The following NRCAM variants were observed in gnomAD, a reference collection of about 807,000 sequenced individuals.
NRCAM encodes the protein neuronal cell adhesion molecule.
NRCAM carries 83 observed loss-of-function variants against 156.5 expected under a neutral mutation model. The observed-to-expected ratio is 0.53, with a 90% CI of 0.44 to 0.64. The LOEUF is 0.64. Ranked by LOEUF, NRCAM falls within the 30% of genes least tolerant of loss-of-function variation. The pLI is 0.00. For synonymous variants in NRCAM, 538 were observed against 563.9 expected (o/e 0.95, Z 0.65); for missense variants, 1,417 against 1,597.3 (o/e 0.89, Z 1.92).
chr7:108,148,568 T>G lies in NRCAM; in HGVS notation c.*1342A>C, dbSNP rs555565429. 15 of 152,806 alleles carry G rather than the reference T, an allele frequency of 9.8e-5. No homozygotes were observed. The East Asian group carries it at 2.9e-3, about 29-fold the overall frequency. The allele number at this position is 152,806 out of a possible 1,614,324, so 9.5% of individuals were successfully genotyped here. A position where few individuals can be genotyped will look rare whatever the true frequency, so the allele number is the denominator to read the frequency against. On this transcript the variant is annotated 3_prime_UTR_variant, in exon 33 of 33. Coordinates refer to ENST00000379028, the MANE Select transcript of NRCAM (RefSeq NM_001037132.4). The stretch of plus-strand genomic sequence containing the variant: ...TAGAATATATATTTACTTTTTAAAC[T>G]GCAGATGTAATCCCTTGGACCGTTG...
intron 5 of NRCAM, among the ~76,000 whole-genome samples, chr7:108,236,219 G>A (rs942433772): frequency 3.9e-5 from 6 of 152,084 alleles, no homozygotes; most frequent in African/African-American, 1.4e-4. Context: ...ACCCGGTTGC[G>A]TCCTCTTCTC....
intron 2 of NRCAM, among the ~76,000 whole-genome samples, chr7:108,358,459 C>T (rs1208019957): frequency 7.9e-6 from 1 of 125,888 alleles, no homozygotes; most frequent in South Asian, 2.6e-4. Context: ...AGTATTCCTA[C>T]GTATTTTTTT....
chr7:108,173,649 A>G (rs1032103190), intron 28 of NRCAM, among the ~76,000 whole-genome samples: 3 of 152,184 alleles, frequency 2.0e-5, no homozygotes, highest in African/African-American at 7.2e-5. Flanking sequence ...TATTAAAATT[A>G]AGGTCAGAGT....
rs78520582 is a variant in NRCAM at position 108,442,320 on chromosome 7, C to A, written c.-332+13923G>T. ...TCTGTGATGGAGGATCTCTTGGTCA[C>A]AGGTGTATAACACATGCATATTCGT... On this transcript the variant is annotated intron_variant, in intron 1 of 32. Coordinates refer to ENST00000379028, the MANE Select transcript of NRCAM (RefSeq NM_001037132.4). 9.8e-3 allele frequency among the ~76,000 whole-genome samples: 1,497 copies of A among 152,224 alleles called. 20 individuals carry two copies. Among genetic ancestry groups the A allele is most frequent in the African/African-American group, 0.034 (1,404 of 41,498 alleles).
At chr7:108,271,899 G>C (rs937137684) in intron 3 of NRCAM, among the ~76,000 whole-genome samples, 1 of 152,138 alleles carries the variant, frequency 6.6e-6, no homozygotes, top group African/African-American at 2.4e-5. Context: ...GCATAAACTA[G>C]CAAGCAAAAT....
chr7:108,314,857 C>A (rs2098875399), intron 2 of NRCAM, among the ~76,000 whole-genome samples: 1 of 152,078 alleles, frequency 6.6e-6, no homozygotes. Flanking sequence ...CTTGCAAAAT[C>A]TCATTTGGCT....
At chr7:108,404,356 C>A (rs35429156) in intron 1 of NRCAM, among the ~76,000 whole-genome samples, 38,275 of 152,120 alleles carry the variant, frequency 0.25, 5,092 homozygotes, top group Non-Finnish European at 0.28. Context: ...CTTGGCAGCT[C>A]CTGCTCAAGA....
chr7:108,451,530 T>C (rs912562237), intron 1 of NRCAM, among the ~76,000 whole-genome samples: 1 of 152,160 alleles, frequency 6.6e-6, no homozygotes. Context: ...TCATTTGCAA[T>C]AGCCAAAAGA....
intron 3 of NRCAM, among the ~76,000 whole-genome samples, chr7:108,241,104 A>G (rs1283065181): frequency 6.6e-6 from 1 of 152,156 alleles, no homozygotes; most frequent in African/African-American, 2.4e-5. Context: ...CCGAACTAGA[A>G]GTTATTTCAC....
chr7:108,159,646 T>C, intron 31 of NRCAM, 105 bp from the exon 32 acceptor site: 1 of 814,768 alleles, frequency 1.2e-6, no homozygotes, highest in South Asian at 1.5e-5. Context: ...AATAATTCCA[T>C]ACACAAGTAG....
intron 17 of NRCAM, among the ~76,000 whole-genome samples, chr7:108,192,544 G>A (rs1200885554): frequency 6.6e-6 from 1 of 152,108 alleles, no homozygotes; most frequent in Admixed American, 6.5e-5. Context: ...CAAAAAGGTT[G>A]GGGACCACTG....
chr7:108,362,886 G>A (rs2154323307), intron 2 of NRCAM, among the ~76,000 whole-genome samples: 1 of 152,122 alleles, frequency 6.6e-6, no homozygotes, highest in African/African-American at 2.4e-5. Context: ...ACCAAATCTT[G>A]GTTTCTAACA....
intron 3 of NRCAM, among the ~76,000 whole-genome samples, chr7:108,311,324 G>T (rs2098799937): frequency 6.6e-6 from 1 of 152,142 alleles, no homozygotes; most frequent in South Asian, 2.1e-4. Flanking sequence ...GTCCCTGTCA[G>T]AATGGATGGT....
intron 2 of NRCAM, among the ~76,000 whole-genome samples, chr7:108,385,917 G>A (rs2099739326): frequency 6.6e-6 from 1 of 151,790 alleles, no homozygotes; most frequent in African/African-American, 2.4e-5. Flanking sequence ...GAGGGAGGGA[G>A]GGAGGGAGGG....
chr7:108,181,615 C>CT (rs34899360), intron 24 of NRCAM, among the ~76,000 whole-genome samples: 445 of 148,024 alleles, frequency 3.0e-3, no homozygotes, highest in Middle Eastern at 3.5e-3. Flanking sequence ...ATGGAGAAAA[C>CT]TTTTTTTTTT....
chr7:108,446,600 G>A (rs1844459136), intron 1 of NRCAM, among the ~76,000 whole-genome samples: 1 of 152,166 alleles, frequency 6.6e-6, no homozygotes, highest in Non-Finnish European at 1.5e-5. Context: ...AGATAAGCAA[G>A]GGCCCCCAAT....
chr7:108,224,266 G>A (rs934354233), intron 10 of NRCAM, among the ~76,000 whole-genome samples: 1 of 151,408 alleles, frequency 6.6e-6, no homozygotes, highest in Admixed American at 6.6e-5. Context: ...ATAAAGATAT[G>A]GTTATAGAAG....
chr7:108,225,843 A>G (rs192174371), intron 9 of NRCAM, 142 bp from the exon 10 acceptor site: 2 of 697,468 alleles, frequency 2.9e-6, no homozygotes, highest in Admixed American at 4.1e-5. Flanking sequence ...TACATTGTAC[A>G]TGACTAACTC....
intron 1 of NRCAM, among the ~76,000 whole-genome samples, chr7:108,409,629 T>C (rs1792842549): frequency 6.6e-6 from 1 of 152,200 alleles, no homozygotes; most frequent in Admixed American, 6.5e-5. Flanking sequence ...CAAGACCCCA[T>C]TTTGGGGGAG....
Sources: gnomAD v4.1 joint callset for allele counts (sites outside exome capture counted in the v4.1 genomes callset) on GRCh38, gnomAD v4.1.1 for gene constraint, MANE v1.5 for transcripts, NCBI Gene and HGNC (gene_info 2026-07-23, HGNC 2026-07-21) for gene names.